Variants in LUC7L2 observed in about 807,000 individuals in gnomAD.
LUC7L2 encodes putative RNA-binding protein Luc7-like 2.
A neutral mutation model predicts 52.8 loss-of-function variants in LUC7L2; 25 were observed. The ratio of observed to expected loss-of-function variants is 0.47; its 90% CI spans 0.34 to 0.66. The LOEUF is 0.66. Ranked by LOEUF, LUC7L2 falls within the 30% of genes least tolerant of loss-of-function variation. The pLI is 0.01. For synonymous variants in LUC7L2, 144 were observed against 160.9 expected (o/e 0.89, Z 0.80); for missense variants, 328 against 497.8 (o/e 0.66, Z 3.25).
At chr7:139,405,510 G>C (rs1795080089) in intron 4 of LUC7L2, 134 bp from the exon 5 acceptor site, 11 of 1,139,886 alleles carry the variant, frequency 9.7e-6, no homozygotes, top group Non-Finnish European at 1.3e-5. Flanking sequence ...GTTCATTTGG[G>C]ATACGCTCAG....
At chr7:139,364,005 A>C (rs1192330831) in intron 1 of LUC7L2, among the ~76,000 whole-genome samples, 1 of 49,534 alleles carries the variant, frequency 2.0e-5, no homozygotes, top group Non-Finnish European at 3.5e-5. Flanking sequence ...TTTTTTTTTG[A>C]GACAGGGTCT....
rs534248064 is a variant in LUC7L2 at position 139,349,619 on chromosome 7, C to T, written c.-26+9102C>T. Among the ~76,000 whole-genome samples, 32 of 150,352 alleles carry T rather than the reference C, an allele frequency of 2.1e-4. No individual in the cohort carries two copies. The East Asian group carries it at 5.2e-3, about 24-fold the overall frequency. On this transcript the variant is annotated intron_variant, in intron 1 of 10. Coordinates refer to the LUC7L2 transcript ENST00000541170. The stretch of plus-strand genomic sequence containing the variant: ...CCTCCTTTAATGTCAACTGCTCCCC[C>T]CCCCCCCACCGGATTTTCCTTTAAT...
intron 2 of LUC7L2, among the ~76,000 whole-genome samples, chr7:139,393,801 T>C (rs1006199597): frequency 2.0e-5 from 3 of 152,206 alleles, no homozygotes; most frequent in African/African-American, 7.2e-5. Context: ...GAGTAGATGC[T>C]TAGTAGTCAT....
intron 2 of LUC7L2, among the ~76,000 whole-genome samples, chr7:139,381,235 G>A (rs1220455460): frequency 6.6e-6 from 1 of 152,024 alleles, no homozygotes. Context: ...AGTTTTTTAG[G>A]TAATTCAGTT....
At chr7:139,403,301 A>G (rs1027233263) in intron 4 of LUC7L2, among the ~76,000 whole-genome samples, 3 of 152,222 alleles carry the variant, frequency 2.0e-5, no homozygotes, top group Non-Finnish European at 2.9e-5. Context: ...GAATCCAAAC[A>G]AGGTCTTTTA....
intron 1 of LUC7L2, among the ~76,000 whole-genome samples, chr7:139,370,912 G>A (rs1158408675): frequency 7.2e-6 from 1 of 139,388 alleles, no homozygotes; most frequent in Non-Finnish European, 1.5e-5. Flanking sequence ...ACGTTTCTCT[G>A]CATTTAGGGA....
At chr7:139,398,989 C>T (rs1272708975) in intron 3 of LUC7L2, among the ~76,000 whole-genome samples, 1 of 152,064 alleles carries the variant, frequency 6.6e-6, no homozygotes, top group African/African-American at 2.4e-5. Flanking sequence ...CAAATGTAAG[C>T]AACTAATTTA....
At chr7:139,387,240 C>A (rs1238781881) in intron 2 of LUC7L2, among the ~76,000 whole-genome samples, 1 of 152,176 alleles carries the variant, frequency 6.6e-6, no homozygotes, top group Non-Finnish European at 1.5e-5. Flanking sequence ...ACTTGTAAAG[C>A]TGGAGTGCAG....
chr7:139,403,121 T>G (rs1794988589), intron 4 of LUC7L2, among the ~76,000 whole-genome samples: 1 of 152,214 alleles, frequency 6.6e-6, no homozygotes, highest in African/African-American at 2.4e-5. Context: ...CCTTTTTATT[T>G]CTCCATTGTA....
In LUC7L2 at chr7:139,410,455, C is replaced by T. The variant is rs143472594; in HGVS notation, c.779+801C>T. Among the ~76,000 whole-genome samples, 46 of 152,220 alleles carry T rather than the reference C, an allele frequency of 3.0e-4. No individual in the cohort carries two copies. In the East Asian group the frequency reaches 7.9e-3, roughly 26 times the overall value. On this transcript the variant is annotated intron_variant, in intron 7 of 9. Transcript: ENST00000354926. ...ATCTAAATGTATATAATTCCTCTTA[C>T]ATTGGTATTCATTAATTGATAAAAT...
intron 9 of LUC7L2, among the ~76,000 whole-genome samples, chr7:139,420,370 T>C (rs897023990): frequency 3.3e-5 from 5 of 152,042 alleles, no homozygotes; most frequent in African/African-American, 1.2e-4. Flanking sequence ...CACCTGGCTA[T>C]TTTTGTATTT....
chr7:139,410,136 G>C (rs1795293469), intron 7 of LUC7L2, among the ~76,000 whole-genome samples: 1 of 151,994 alleles, frequency 6.6e-6, no homozygotes, highest in Admixed American at 6.6e-5. Context: ...GAACCTGGGG[G>C]GGCAGAGCCT....
At chr7:139,352,778 T>C (rs1301100962) in intron 1 of LUC7L2, among the ~76,000 whole-genome samples, 1 of 152,192 alleles carries the variant, frequency 6.6e-6, no homozygotes, top group Non-Finnish European at 1.5e-5. Context: ...GATTATGTGG[T>C]GGGAAAAGAA....
chr7:139,358,832 C>G (rs1021347867), upstream of LUC7L2, among the ~76,000 whole-genome samples: 4 of 152,046 alleles, frequency 2.6e-5, no homozygotes, highest in African/African-American at 9.7e-5. Context: ...AGGCGCCCGC[C>G]ATCACGCCCG....
chr7:139,389,796 C>G (rs540126381), intron 2 of LUC7L2, among the ~76,000 whole-genome samples: 1 of 152,284 alleles, frequency 6.6e-6, no homozygotes, highest in South Asian at 2.1e-4. Context: ...ATGTTCCTCC[C>G]TCATTGAGCT....
intron 2 of LUC7L2, among the ~76,000 whole-genome samples, chr7:139,377,319 C>T (rs1001214967): frequency 1.3e-5 from 2 of 152,190 alleles, no homozygotes; most frequent in African/African-American, 4.8e-5. Flanking sequence ...ATTCTCCTGC[C>T]TCAGCCTCCG....
chr7:139,372,786 T>A (rs757701729), intron 1 of LUC7L2, among the ~76,000 whole-genome samples: 142 of 152,170 alleles, frequency 9.3e-4, no homozygotes, highest in Non-Finnish European at 1.7e-3. Context: ...CAAAAAAATT[T>A]AAAAAATTAA....
chr7:139,399,056 T>A (rs1205033773), intron 3 of LUC7L2, among the ~76,000 whole-genome samples: 1 of 142,160 alleles, frequency 7.0e-6, no homozygotes, highest in Non-Finnish European at 1.5e-5. Context: ...TTCATATTTA[T>A]TTTTGAATCT....
Position 139,353,890 on chromosome 7 carries a change from G to A in LUC7L2, c.-26+13373G>A, listed in dbSNP as rs187882947. The stretch of plus-strand genomic sequence containing the variant: ...AGCACTTTGAGAGGTCGAGGCAGGC[G>A]GATTGCCTGAGCTTGGGAGTTCAAA... On this transcript the variant is annotated intron_variant, in intron 1 of 10. Transcript: ENST00000541170. 1.6e-4 allele frequency among the ~76,000 whole-genome samples: 24 copies of A among 152,176 alleles called. No homozygotes were observed. In the East Asian group the frequency reaches 3.9e-3, roughly 25 times the overall value.
Sources: gnomAD v4.1 joint callset for allele counts (sites outside exome capture counted in the v4.1 genomes callset) on GRCh38, gnomAD v4.1.1 for gene constraint, MANE v1.5 for transcripts, NCBI Gene and HGNC (gene_info 2026-07-23, HGNC 2026-07-21) for gene names.